Variants in BCL9L observed in about 807,000 individuals in gnomAD.
BCL9L encodes B-cell CLL/lymphoma 9-like protein.
In BCL9L, 19 loss-of-function variants were observed where a neutral mutation model predicts 99.4. The ratio of observed to expected loss-of-function variants is 0.19; its 90% CI spans 0.13 to 0.28. BCL9L has a LOEUF of 0.28. Among genes scored for constraint, BCL9L ranks in the 10% least tolerant of loss-of-function variants. The pLI is 1.00. For missense variants in BCL9L, 2,023 were observed against 2,101.6 expected, an observed-to-expected ratio of 0.96 and a Z score of 0.73; for synonymous variants, 900 against 854.8, an observed-to-expected ratio of 1.05 and a Z score of -0.92.
rs182056915 is a variant in BCL9L at position 118,897,601 on chromosome 11, C to T, written c.*814G>A. On this transcript the variant is annotated 3_prime_UTR_variant, in exon 10 of 10. Transcript: ENST00000683865. ...CCTCAGTTTAGGAGTGGGTCATTTA[C>T]GTCATCTTACCATTTGGGGACGAGA... The T allele has an allele frequency of 7.3e-4, 263 of 362,522 alleles. 1 individual carries two copies. The highest frequency in any genetic ancestry group is 5.0e-3 in the African/African-American group (234 of 46,856). 22.5% of individuals were successfully genotyped at this position (362,522 alleles called of 1,614,324 possible).
Position 118,902,763 on chromosome 11 carries a change from G to C in BCL9L, c.980C>G (p.Pro327Arg). The C allele has an allele frequency of 6.3e-7, 1 of 1,588,282 alleles. No individual in the cohort carries two copies. Among genetic ancestry groups the C allele is most frequent in the South Asian group, 1.1e-5 (1 of 89,838 alleles). ...GGCCAGGTCCTGACTGCTGTCCTCA[G>C]GAGGCCCCTCTGGGGGCAGAGCAGG... is the stretch of plus-strand genomic sequence containing the variant. ...APPALPPEGPPEDSSQDLAPN... is the reference protein window; with the variant it reads ...APPALPPEGPREDSSQDLAPN... The change falls in exon 8 of 10, where the codon CCT becomes CGT. Residue 327 changes from proline to arginine, a missense_variant. Around this residue, in one of 3 missense-constraint regions of BCL9L, gnomAD observed 1,116 missense variants for 1,194.6 expected, o/e 0.93. Coordinates refer to ENST00000683865, the MANE Select transcript of BCL9L (RefSeq NM_001378213.1). This position sits in a 1 kb window ranked among gnomAD's most constrained non-coding sequence, Gnocchi z 7.8.
chr11:118,899,504 G>A lies in BCL9L; in HGVS notation c.3411C>T (p.Ile1137=). Residue 1137 remains isoleucine, a synonymous_variant, in exon 10 of 10, where the codon ATC becomes ATT. Transcript: ENST00000683865. ...PPPPQGSGPG[I]SNSQPSQMHL... ...GCATCTGGCTGGGCTGGCTGTTGCT[G>A]ATCCCTGTAGGGAATAGAAGACAGG... The A allele has an allele frequency of 1.9e-6, 3 of 1,608,200 alleles. No individual in the cohort carries two copies. Among genetic ancestry groups the A allele is most frequent in the South Asian group, 2.2e-5 (2 of 89,710 alleles).
chr11:118,916,451 C>T (rs1940965312), intron 2 of BCL9L, among the ~76,000 whole-genome samples: 1 of 152,198 alleles, frequency 6.6e-6, no homozygotes, highest in African/African-American at 2.4e-5. Context: ...CTCCACCATC[C>T]CACTCTCACC....
chr11:118,916,975 T>TG (rs1296982143), intron 2 of BCL9L, among the ~76,000 whole-genome samples: 9 of 152,174 alleles, frequency 5.9e-5, no homozygotes, highest in African/African-American at 1.4e-4. Context: ...AGTGCTGAGC[T>TG]GAACTGAGCA....
chr11:118,910,184 T>G, intron 2 of BCL9L, 169 bp from the exon 3 acceptor site: 1 of 563,272 alleles, frequency 1.8e-6, no homozygotes, highest in East Asian at 3.0e-5. Context: ...AGGCCAGCCC[T>G]GTCCCCATCC....
rs758035982 is a variant in BCL9L at position 118,902,689 on chromosome 11, G to A, written c.1054C>T (p.His352Tyr). Residue 352 changes from histidine (H) to tyrosine (Y), a missense_variant, in exon 8 of 10, where the codon CAC becomes TAC. His to Tyr is a moderately conservative substitution (Grantham distance 83). Transcript: ENST00000683865. This position sits in a 1 kb window ranked among gnomAD's most constrained non-coding sequence, Gnocchi z 7.8. ...ASTGGGTGGT[H>Y]PNTPTATTAN... ...GTGGTAGCCGTCGGGGTGTTAGGGT[G>A]GGTGCCCCCAGTCCCACCACCTGTG... 1 of 1,599,316 alleles carries A rather than the reference G, an allele frequency of 6.3e-7. No homozygotes were observed. Among genetic ancestry groups the A allele is most frequent in the Non-Finnish European group, 8.5e-7 (1 of 1,179,760 alleles).
rs150094487 is a variant in BCL9L at position 118,900,805 on chromosome 11, C to T, written c.2938G>A (p.Gly980Ser). 3.2e-5 allele frequency: 52 copies of T among 1,613,722 alleles called. No homozygotes were observed. Among genetic ancestry groups the T allele is most frequent in the Middle Eastern group, 1.6e-4 (1 of 6,084 alleles). The change falls in exon 8 of 10, where the codon GGC becomes AGC. Residue 980 changes from glycine (G) to serine (S), a missense_variant. Transcript: ENST00000683865. This position sits in a 1 kb window ranked among gnomAD's most constrained non-coding sequence, Gnocchi z 5.3. ...GGTGAACGGACACTGAGGGAGGAGC[C>T]GAGGACCTGGGGCGACTTGAGAGGT... ...PGPLKSPQVLGSSLSVRSPTG... is the reference protein window; with the variant it reads ...PGPLKSPQVLSSSLSVRSPTG...
In BCL9L at chr11:118,898,060, C is replaced by G. The variant is rs952296673; in HGVS notation, c.*355G>C. On this transcript the variant is annotated 3_prime_UTR_variant, in exon 10 of 10. Transcript: ENST00000683865. Reference sequence around the variant, plus strand: ...ACCTGACCTGTCCTTCCTCTCTCCCCCCAGATTCCCATCCAGGACTCCAAA... The same window carrying G: ...ACCTGACCTGTCCTTCCTCTCTCCCGCCAGATTCCCATCCAGGACTCCAAA... 1 of 442,400 alleles carries G rather than the reference C, an allele frequency of 2.3e-6. No individual in the cohort carries two copies. The highest frequency in any genetic ancestry group is 4.2e-6 in the Non-Finnish European group (1 of 236,490). 27.4% of individuals were successfully genotyped at this position (442,400 alleles called of 1,614,324 possible). A position where few individuals can be genotyped will look rare whatever the true frequency, so the allele number is the denominator to read the frequency against.
chr11:118,910,254 G>C (rs1239917762), intron 2 of BCL9L: 1 of 379,716 alleles, frequency 2.6e-6, no homozygotes, highest in Non-Finnish European at 5.0e-6. Flanking sequence ...CCCGACGGGC[G>C]GCAGAGACAG....
At chr11:118,904,842 T>C (rs111329968) in intron 5 of BCL9L, among the ~76,000 whole-genome samples, 2,248 of 152,298 alleles carry the variant, frequency 0.015, 50 homozygotes, top group African/African-American at 0.05. Context: ...GGCCCTGCTC[T>C]GGACCCTATC....
intron 2 of BCL9L, chr11:118,910,385 G>GC (rs1017098764): frequency 3.3e-4 from 57 of 174,218 alleles, no homozygotes; most frequent in African/African-American, 1.3e-3. Context: ...TACCCCTCGT[G>GC]CCCCACCCCC....
intron 2 of BCL9L, chr11:118,910,293 T>C: frequency 3.7e-6 from 1 of 273,480 alleles, no homozygotes; most frequent in Non-Finnish European, 7.4e-6. Context: ...GTAGCAAAGG[T>C]GCCGTGTGGG....
Position 118,897,736 on chromosome 11 carries a change from G to C in BCL9L, c.*679C>G, listed in dbSNP as rs1000670131. The C allele has an allele frequency of 2.2e-6, 1 of 448,904 alleles. No individual in the cohort carries two copies. 27.8% of individuals were successfully genotyped at this position (448,904 alleles called of 1,614,324 possible). On this transcript the variant is annotated 3_prime_UTR_variant, in exon 10 of 10. Coordinates refer to ENST00000683865, the MANE Select transcript of BCL9L (RefSeq NM_001378213.1). ...TGGAGGGAGCAATAACTTGAAGAAG[G>C]GGGGAAGGGTTTCTTTTATCCTTTT...
In BCL9L at chr11:118,925,705, C is replaced by CGCCGAGGG. The variant is rs1941261640; in HGVS notation, c.-599_-598insCCCTCGGC. ...GTCTGGGCGCTTATTGTTGGTCGGA[C>CGCCGAGGG]TCCGAGGGTCCGGGTCACAGCCCCC... is the stretch of plus-strand genomic sequence containing the variant. On this transcript the variant is annotated 5_prime_UTR_variant, in exon 1 of 10. Transcript: ENST00000683865. The surrounding 1 kb of genome is among the most constrained non-coding windows in gnomAD (Gnocchi z 6.4). The CGCCGAGGG allele has an allele frequency of 6.6e-6, 1 of 151,018 alleles. No homozygotes were observed. Among genetic ancestry groups the CGCCGAGGG allele is most frequent in the Non-Finnish European group, 1.5e-5 (1 of 67,722 alleles). The allele number at this position is 151,018 out of a possible 1,614,324, so 9.4% of individuals were successfully genotyped here. A position where few individuals can be genotyped will look rare whatever the true frequency, so the allele number is the denominator to read the frequency against.
chr11:118,923,754 T>A (rs1206757707), intron 1 of BCL9L, among the ~76,000 whole-genome samples: 1 of 151,996 alleles, frequency 6.6e-6, no homozygotes, highest in Non-Finnish European at 1.5e-5. Context: ...TAGAGGGAGG[T>A]GGCCAGAAGG....
intron 2 of BCL9L, among the ~76,000 whole-genome samples, chr11:118,917,804 C>T: frequency 6.6e-6 from 1 of 152,190 alleles, no homozygotes; most frequent in South Asian, 2.1e-4. Flanking sequence ...GTTACTTCCT[C>T]ACCCATCCTT....
At chr11:118,918,279 G>C (rs1458960365) in intron 2 of BCL9L, among the ~76,000 whole-genome samples, 1 of 151,426 alleles carries the variant, frequency 6.6e-6, no homozygotes. Context: ...GTGTGTGTGT[G>C]TGTGTCTGTG....
In BCL9L at chr11:118,922,970, TTCAGC is replaced by T. The variant is rs1941183635; in HGVS notation, c.-131+2263_-131+2267del. Among the ~76,000 whole-genome samples, 14 of 152,082 alleles carry T rather than the reference TTCAGC, an allele frequency of 9.2e-5. No individual in the cohort carries two copies. The South Asian group carries it at 2.9e-3, about 31-fold the overall frequency. The stretch of plus-strand genomic sequence containing the variant: ...CTGTCCCAGGGTCCTGGGACAGAAC[TTCAGC>T]GTGTGGTACCAGAGGCAGTGTGGGG... On this transcript the variant is annotated intron_variant, in intron 1 of 9. Transcript: ENST00000683865. This position sits in a 1 kb window ranked among gnomAD's most constrained non-coding sequence, Gnocchi z 6.2.
At chr11:118,916,504 T>C (rs7119222) in intron 2 of BCL9L, among the ~76,000 whole-genome samples, 5,696 of 152,250 alleles carry the variant, frequency 0.037, 218 homozygotes, top group African/African-American at 0.1. Context: ...CCACTCAGCA[T>C]TCTCCCTTGC....
Sources: allele counts gnomAD v4.1 joint callset (sites outside exome capture counted in the v4.1 genomes callset), GRCh38; gene constraint gnomAD v4.1.1; regional missense constraint gnomAD v4.1.1; non-coding constraint Gnocchi (gnomAD v3.1); transcripts MANE v1.5; gene names NCBI Gene and HGNC (gene_info 2026-07-23, HGNC 2026-07-21).